The following ADORA2B variants were observed in gnomAD, a reference collection of about 807,000 sequenced individuals.
ADORA2B encodes adenosine A2b receptor, also known as adenosine receptor A2b.
A neutral mutation model predicts 20.8 loss-of-function variants in ADORA2B; 18 were observed. That is an observed-to-expected ratio of 0.87 (90% CI 0.60 to 1.29). ADORA2B has a LOEUF of 1.29. Ranked by LOEUF, ADORA2B falls within the 50% of genes most tolerant of loss-of-function variation. ADORA2B has a pLI of 0.00. For synonymous variants in ADORA2B, 179 were observed against 178.3 expected (o/e 1.00, Z -0.03); for missense variants, 441 against 422.7 (o/e 1.04, Z -0.38).
At chr17:15,934,495 A>G in the ADORA2B span, among the ~76,000 whole-genome samples, 3 of 152,108 alleles carry the variant, frequency 2.0e-5, no homozygotes, top group Non-Finnish European at 2.9e-5. Context: ...AACTGTTGGG[A>G]TTACAGGCGT....
the ADORA2B span, among the ~76,000 whole-genome samples, chr17:15,860,067 A>ACTGTC: frequency 1.3e-5 from 2 of 152,308 alleles, no homozygotes; most frequent in Non-Finnish European, 2.9e-5. Flanking sequence ...ACTGTGAAGC[A>ACTGTC]CTGTCCTGTT....
At chr17:15,927,373 C>G in the ADORA2B span, among the ~76,000 whole-genome samples, 1 of 152,126 alleles carries the variant, frequency 6.6e-6, no homozygotes, top group African/African-American at 2.4e-5. Flanking sequence ...GTCCCAGCTA[C>G]TCAGGAGGCT....
the ADORA2B span, among the ~76,000 whole-genome samples, chr17:15,926,736 C>G: frequency 6.6e-6 from 1 of 151,998 alleles, no homozygotes; most frequent in East Asian, 1.9e-4. Flanking sequence ...GTTGGGAGGC[C>G]GAGGTGGGAG....
chr17:15,868,275 T>C, the ADORA2B span, among the ~76,000 whole-genome samples: 1 of 135,200 alleles, frequency 7.4e-6, no homozygotes, highest in African/African-American at 2.7e-5. Flanking sequence ...ACCAGAGACC[T>C]TTGTTCACTT....
At chr17:15,867,375 T>C in the ADORA2B span, among the ~76,000 whole-genome samples, 5 of 150,970 alleles carry the variant, frequency 3.3e-5, no homozygotes, top group South Asian at 6.3e-4. Flanking sequence ...GTCTGAGATG[T>C]GGGGAGCTCC....
chr17:15,871,554 G>A, the ADORA2B span, among the ~76,000 whole-genome samples: 1 of 152,132 alleles, frequency 6.6e-6, no homozygotes, highest in Non-Finnish European at 1.5e-5. Context: ...TGATGAGAGG[G>A]GCTCACGGTT....
the ADORA2B span, among the ~76,000 whole-genome samples, chr17:15,910,606 A>G: frequency 1.3e-5 from 2 of 152,158 alleles, no homozygotes; most frequent in Non-Finnish European, 2.9e-5. Context: ...GCCTACAAAT[A>G]TGTAATCTTT....
the ADORA2B span, among the ~76,000 whole-genome samples, chr17:15,914,145 C>G: frequency 6.6e-6 from 1 of 152,210 alleles, no homozygotes; most frequent in African/African-American, 2.4e-5. Flanking sequence ...TTCAAACACA[C>G]ATTTTACTCC....
the ADORA2B span, among the ~76,000 whole-genome samples, chr17:15,894,738 C>T: frequency 6.6e-6 from 1 of 152,154 alleles, no homozygotes; most frequent in Non-Finnish European, 1.5e-5. Flanking sequence ...TCTGGTTGGA[C>T]AGGGCCATTT....
intron 1 of ADORA2B, among the ~76,000 whole-genome samples, chr17:15,963,420 G>A (rs1317841891): frequency 6.6e-6 from 1 of 152,200 alleles, no homozygotes. Flanking sequence ...GGTCGCTTGT[G>A]TTTATGGCGG....
the ADORA2B span, among the ~76,000 whole-genome samples, chr17:15,925,137 G>T: frequency 1.6e-4 from 24 of 152,278 alleles, no homozygotes; most frequent in Non-Finnish European, 2.6e-4. Flanking sequence ...CCGGGTTCAG[G>T]TGATTCTCCT....
intron 1 of ADORA2B, among the ~76,000 whole-genome samples, chr17:15,958,579 C>T (rs1458333154): frequency 4.6e-5 from 7 of 152,202 alleles, no homozygotes; most frequent in African/African-American, 1.4e-4. Context: ...GGGCCTAGGT[C>T]TGCTTCTGGC....
chr17:15,861,341 C>T, the ADORA2B span, among the ~76,000 whole-genome samples: 2 of 152,140 alleles, frequency 1.3e-5, no homozygotes, highest in Non-Finnish European at 2.9e-5. Flanking sequence ...AGGCCAGGGA[C>T]TCTGCCATAT....
the ADORA2B span, among the ~76,000 whole-genome samples, chr17:15,883,425 T>G: frequency 6.6e-6 from 1 of 152,214 alleles, no homozygotes; most frequent in Non-Finnish European, 1.5e-5. Flanking sequence ...CTCCACTGGC[T>G]ACAGAGTTGC....
At chr17:15,874,404 G>A in the ADORA2B span, among the ~76,000 whole-genome samples, 11 of 151,726 alleles carry the variant, frequency 7.2e-5, no homozygotes, top group East Asian at 1.7e-3. Context: ...TAAAAGTGTC[G>A]TGGCTGGGCA....
upstream of ADORA2B, among the ~76,000 whole-genome samples, chr17:15,941,665 C>T (rs902344676): frequency 6.7e-6 from 1 of 148,868 alleles, no homozygotes; most frequent in Non-Finnish European, 1.5e-5. Flanking sequence ...GAGGTTGAGG[C>T]TGCAGTAAGC....
chr17:15,952,469 A>AGATAGG (rs1405688779), intron 1 of ADORA2B, among the ~76,000 whole-genome samples: 1 of 152,168 alleles, frequency 6.6e-6, no homozygotes, highest in Non-Finnish European at 1.5e-5. Flanking sequence ...GGAAGCCGGG[A>AGATAGG]CTGAGGCAGC....
At chr17:15,951,480 C>T (rs994845514) in intron 1 of ADORA2B, among the ~76,000 whole-genome samples, 1 of 152,234 alleles carries the variant, frequency 6.6e-6, no homozygotes, top group Non-Finnish European at 1.5e-5. Flanking sequence ...AGCACACAGT[C>T]CTCCCAACTC....
chr17:15,969,141 C>T (rs1970156129), intron 1 of ADORA2B, among the ~76,000 whole-genome samples: 1 of 152,150 alleles, frequency 6.6e-6, no homozygotes, highest in African/African-American at 2.4e-5. Context: ...TCCTCCCATT[C>T]TTACCTTCTT....
Sources: allele counts gnomAD v4.1 joint callset (sites outside exome capture counted in the v4.1 genomes callset), GRCh38; gene constraint gnomAD v4.1.1; transcripts MANE v1.5; gene names NCBI Gene and HGNC (gene_info 2026-07-23, HGNC 2026-07-21).